KCNJ6: variants seen among roughly 807,000 people sequenced by gnomAD.
KCNJ6 encodes G protein-activated inward rectifier potassium channel 2.
Under a neutral mutation model 34.2 loss-of-function variants are expected in KCNJ6, and 9 were observed. The ratio of observed to expected loss-of-function variants is 0.26; its 90% CI spans 0.16 to 0.46. The LOEUF (loss-of-function observed/expected upper bound fraction) is 0.46. KCNJ6 is among the 20% of genes least tolerant of loss of function. The probability of loss-of-function intolerance (pLI) is 1.00; values close to 1 mark genes in which losing one functional copy is unlikely to be tolerated. For synonymous variants in KCNJ6, 196 were observed against 207.1 expected, an observed-to-expected ratio of 0.95 and a Z score of 0.46; for missense variants, 236 against 531.3, an observed-to-expected ratio of 0.44 and a Z score of 5.46.
intron 3 of KCNJ6, among the ~76,000 whole-genome samples, chr21:37,685,978 A>G (rs1709828): frequency 0.98 from 148,698 of 152,116 alleles, 72,715 homozygotes; most frequent in East Asian, 1. Context: ...ACATGTTACA[A>G]TATACCTGAA....
chr21:37,728,498 T>C (rs1380225365), intron 2 of KCNJ6, among the ~76,000 whole-genome samples: 1 of 152,220 alleles, frequency 6.6e-6, no homozygotes, highest in Non-Finnish European at 1.5e-5. Flanking sequence ...ACAGAAAGCA[T>C]AAATATATTT....
chr21:37,695,375 C>T lies in KCNJ6; in HGVS notation c.946+18836G>A, dbSNP rs2054659480. The stretch of plus-strand genomic sequence containing the variant: ...ACAAGGCAGCTGGTGGGGAAGTTAA[C>T]ACCACCTTCTAGCAGACACAGGGTC... On this transcript the variant is annotated intron_variant, in intron 3 of 3. Coordinates refer to ENST00000609713, the MANE Select transcript of KCNJ6 (RefSeq NM_002240.5). This position sits in a 1 kb window ranked among gnomAD's most constrained non-coding sequence, Gnocchi z 4.2. 6.6e-6 allele frequency among the ~76,000 whole-genome samples: 1 copy of T among 152,232 alleles called. No homozygotes were observed. Among genetic ancestry groups the T allele is most frequent in the East Asian group, 1.9e-4 (1 of 5,196 alleles).
intron 2 of KCNJ6, among the ~76,000 whole-genome samples, chr21:37,809,983 T>C (rs1568856759): frequency 6.6e-6 from 1 of 152,242 alleles, no homozygotes; most frequent in Non-Finnish European, 1.5e-5. Context: ...TAGGCTTCCA[T>C]TGTATTGGAT....
At chr21:37,871,119 G>A (rs1243017223) in intron 1 of KCNJ6, among the ~76,000 whole-genome samples, 1 of 152,032 alleles carries the variant, frequency 6.6e-6, no homozygotes, top group African/African-American at 2.4e-5. Context: ...ATTGACACAA[G>A]AGCTTAGTAT....
Position 37,894,675 on chromosome 21 carries a change from A to G in KCNJ6, c.-28+21209T>C, listed in dbSNP as rs530284155. ...AGATTCCATCTCAAAAAAAAGAAAAAAAAAATCAACATTGTACCACTCAGC... is the reference window on the plus strand; with the variant it reads ...AGATTCCATCTCAAAAAAAAGAAAAGAAAAATCAACATTGTACCACTCAGC... On this transcript the variant is annotated intron_variant, in intron 1 of 3. Transcript: ENST00000609713. 3.9e-5 allele frequency among the ~76,000 whole-genome samples: 6 copies of G among 152,270 alleles called. No individual in the cohort carries two copies. In the East Asian group the frequency reaches 1.2e-3, roughly 29 times the overall value.
At chr21:37,763,113 G>T (rs1364454758) in intron 2 of KCNJ6, among the ~76,000 whole-genome samples, 1 of 152,074 alleles carries the variant, frequency 6.6e-6, no homozygotes, top group Admixed American at 6.5e-5. Flanking sequence ...TGGCATGTGA[G>T]GAGGAATTTT....
chr21:37,860,138 T>C (rs2055587452), intron 1 of KCNJ6, among the ~76,000 whole-genome samples: 1 of 152,106 alleles, frequency 6.6e-6, no homozygotes, highest in Admixed American at 6.5e-5. Context: ...GCAGGAGTAA[T>C]CCCAAACCCA....
intron 1 of KCNJ6, among the ~76,000 whole-genome samples, chr21:37,842,256 G>A (rs530946894): frequency 2.0e-5 from 3 of 152,128 alleles, no homozygotes; most frequent in African/African-American, 7.2e-5. Context: ...CGACATTTTC[G>A]TGCTTGGAAG....
chr21:37,617,027 T>A lies in KCNJ6; in HGVS notation c.*8132A>T, dbSNP rs1468831421. ...TTTCTTTTCTCTTTCTTTCTTTCTT[T>A]CTTTCTTTCTTTCTTTCTTTCTTTC... On this transcript the variant is annotated 3_prime_UTR_variant, in exon 4 of 4. Coordinates refer to ENST00000609713, the MANE Select transcript of KCNJ6 (RefSeq NM_002240.5). 5.7e-5 allele frequency: 1 copy of A among 17,634 alleles called. No homozygotes were observed. Among genetic ancestry groups the A allele is most frequent in the South Asian group, 3.1e-3 (1 of 324 alleles). 1.1% of individuals were successfully genotyped at this position (17,634 alleles called of 1,614,324 possible). A position where few individuals can be genotyped will look rare whatever the true frequency, so the allele number is the denominator to read the frequency against.
chr21:37,662,462 T>C (rs2054494051), intron 3 of KCNJ6, among the ~76,000 whole-genome samples: 1 of 152,226 alleles, frequency 6.6e-6, no homozygotes. Context: ...TATGGCTGTA[T>C]AGTATTCCAT....
chr21:37,883,949 A>G (rs1399271096), intron 1 of KCNJ6, among the ~76,000 whole-genome samples: 1 of 152,162 alleles, frequency 6.6e-6, no homozygotes, highest in Non-Finnish European at 1.5e-5. Context: ...TGTTTGCCAG[A>G]AGCTGAGCTG....
At chr21:37,711,563 G>C (rs1011547292) in intron 3 of KCNJ6, among the ~76,000 whole-genome samples, 8 of 152,240 alleles carry the variant, frequency 5.3e-5, no homozygotes, top group Admixed American at 5.2e-4. Context: ...TTTTCCTCGA[G>C]TGTGCATTTG....
Position 37,771,396 on chromosome 21 carries a change from G to A in KCNJ6, c.26-56265C>T, listed in dbSNP as rs560138784. On this transcript the variant is annotated intron_variant, in intron 2 of 3. Coordinates refer to ENST00000609713, the MANE Select transcript of KCNJ6 (RefSeq NM_002240.5). ...CCGAAGCTTCAGCTTGTGCCCAAGAGTTTTGGTCTGTTCTTCCAGATGGCT... is the reference window on the plus strand; with the variant it reads ...CCGAAGCTTCAGCTTGTGCCCAAGAATTTTGGTCTGTTCTTCCAGATGGCT... Among the ~76,000 whole-genome samples the A allele has an allele frequency of 6.6e-5, 10 of 152,282 alleles. No homozygotes were observed. In the East Asian group the frequency reaches 1.9e-3, roughly 29 times the overall value.
intron 3 of KCNJ6, among the ~76,000 whole-genome samples, chr21:37,692,854 C>T (rs1009685530): frequency 1.3e-5 from 2 of 152,204 alleles, no homozygotes; most frequent in African/African-American, 4.8e-5. Context: ...ATGGTTATTT[C>T]ATTAAACTTA....
chr21:37,820,307 C>A (rs2055367819), intron 2 of KCNJ6, among the ~76,000 whole-genome samples: 1 of 152,174 alleles, frequency 6.6e-6, no homozygotes, highest in African/African-American at 2.4e-5. Context: ...TGAATAAACT[C>A]TTTAAAACTG....
intron 1 of KCNJ6, among the ~76,000 whole-genome samples, chr21:37,887,417 T>G (rs1415622804): frequency 6.6e-6 from 1 of 152,136 alleles, no homozygotes; most frequent in Non-Finnish European, 1.5e-5. Context: ...CCTCAAATCT[T>G]TTTTAAGTGC....
Position 37,775,248 on chromosome 21 carries a change from T to C in KCNJ6, c.26-60117A>G, listed in dbSNP as rs2055136620. The stretch of plus-strand genomic sequence containing the variant: ...TGAGTTCTTTGTAGATTCTGGATAT[T>C]AGCCCTTTGTCAGGTGAGTAGATTG... On this transcript the variant is annotated intron_variant, in intron 2 of 3. Coordinates refer to ENST00000609713, the MANE Select transcript of KCNJ6 (RefSeq NM_002240.5). Among the ~76,000 whole-genome samples, 3 of 152,214 alleles carry C rather than the reference T, an allele frequency of 2.0e-5. No individual in the cohort carries two copies. The South Asian group carries it at 6.2e-4, about 32-fold the overall frequency.
rs141298519 is a variant in KCNJ6, at chr21:37,608,877, C to T, written c.*16282G>A. ...TGGCCAGCACTCAGGCAAGTGAATACACATTTGGAGTAATAAAATATGGGG... is the reference window on the plus strand; with the variant it reads ...TGGCCAGCACTCAGGCAAGTGAATATACATTTGGAGTAATAAAATATGGGG... On this transcript the variant is annotated 3_prime_UTR_variant, in exon 4 of 4. Transcript: ENST00000609713. 1 of 152,280 alleles carries T rather than the reference C, an allele frequency of 6.6e-6. No homozygotes were observed. Among genetic ancestry groups the T allele is most frequent in the African/African-American group, 2.4e-5 (1 of 41,552 alleles). The allele number at this position is 152,280 out of a possible 1,614,324, so 9.4% of individuals were successfully genotyped here. A position where few individuals can be genotyped will look rare whatever the true frequency, so the allele number is the denominator to read the frequency against.
At chr21:37,812,149 T>A (rs561771562) in intron 2 of KCNJ6, among the ~76,000 whole-genome samples, 1 of 152,310 alleles carries the variant, frequency 6.6e-6, no homozygotes, top group South Asian at 2.1e-4. Flanking sequence ...ATAAAAATGC[T>A]CTGGTTATAC....
Sources: gnomAD v4.1 joint callset for allele counts (sites outside exome capture counted in the v4.1 genomes callset) on GRCh38, gnomAD v4.1.1 for gene constraint, Gnocchi (gnomAD v3.1) non-coding constraint, MANE v1.5 for transcripts, NCBI Gene and HGNC (gene_info 2026-07-23, HGNC 2026-07-21) for gene names.